Variants in CAPN8 observed in about 807,000 individuals in gnomAD.
CAPN8 encodes the protein calpain 8.
A neutral mutation model predicts 80.9 loss-of-function variants in CAPN8; 87 were observed. That is an observed-to-expected ratio of 1.07 (90% CI 0.90 to 1.28). The LOEUF (loss-of-function observed/expected upper bound fraction) is 1.28, where lower values mean the gene tolerates loss of function less well. CAPN8 is among the 50% of genes most tolerant of loss of function. The probability of loss-of-function intolerance (pLI) is 0.00; values close to 1 mark genes in which losing one functional copy is unlikely to be tolerated. For synonymous variants in CAPN8, 299 were observed against 273.8 expected (o/e 1.09, Z -0.91); for missense variants, 757 against 702.0 (o/e 1.08, Z -0.89).
intron 2 of CAPN8, among the ~76,000 whole-genome samples, chr1:223,640,225 A>T (rs1305045989): frequency 6.6e-6 from 1 of 152,212 alleles, no homozygotes; most frequent in African/African-American, 2.4e-5. Context: ...AAAGATAAAA[A>T]TGAGATAAGA....
chr1:223,549,290 A>G, intron 16 of CAPN8, 28 bp downstream of exon 16: 1 of 1,544,536 alleles, frequency 6.5e-7, no homozygotes. Context: ...AGTAAAAAAA[A>G]AAAAATAATG....
intron 11 of CAPN8, among the ~76,000 whole-genome samples, chr1:223,610,703 T>C (rs1657009443): frequency 6.6e-6 from 1 of 152,078 alleles, no homozygotes; most frequent in Non-Finnish European, 1.5e-5. Context: ...TGAGGCAAGA[T>C]CTAGGTAAGA....
chr1:223,623,256 G>A (rs1206923466), intron 6 of CAPN8, among the ~76,000 whole-genome samples: 2 of 152,178 alleles, frequency 1.3e-5, no homozygotes, highest in African/African-American at 4.8e-5. Flanking sequence ...CCAAAGCACG[G>A]CAGTTAACAT....
intron 16 of CAPN8, among the ~76,000 whole-genome samples, chr1:223,549,084 C>A (rs1451419120): frequency 1.3e-5 from 2 of 152,084 alleles, no homozygotes; most frequent in African/African-American, 4.8e-5. Flanking sequence ...ACACTGCACA[C>A]CTCGGTTTCT....
chr1:223,610,979 G>A (rs1480945169), intron 11 of CAPN8, among the ~76,000 whole-genome samples: 1 of 151,510 alleles, frequency 6.6e-6, no homozygotes, highest in Non-Finnish European at 1.5e-5. Context: ...GCCCTCTAGG[G>A]GATTCAGAAG....
intron 13 of CAPN8, among the ~76,000 whole-genome samples, chr1:223,555,880 G>A (rs1334335059): frequency 1.3e-5 from 2 of 152,162 alleles, no homozygotes; most frequent in Non-Finnish European, 2.9e-5. Context: ...GCCCATGTTG[G>A]GAACTGTTCA....
Position 223,628,716 on chromosome 1 carries a change from C to T in CAPN8, c.372G>A (p.Val124=), listed in dbSNP as rs1291639664. Residue 124 remains valine (V), a synonymous_variant, in exon 3 of 21, where the codon GTG becomes GTA. Transcript: ENST00000366872. ...CCTGGAAGTCCTGGTCCCTGGGGAC[C>T]ACCCGGTAAAGCAGCTCTTCATTCA... ...LTLNEELLYR[V]VPRDQDFQEN... is the part of the protein sequence containing the mutation. 2 of 1,551,864 alleles carry T rather than the reference C, an allele frequency of 1.3e-6. No individual in the cohort carries two copies. The highest frequency in any genetic ancestry group is 2.7e-5 in the African/African-American group (2 of 73,038).
rs545418394 is a variant in CAPN8, at chr1:223,618,340, A to C, written c.1135+953T>G. ...CCAGGAAAGCTTCCCACCTTGCACC[A>C]GGTGAGGACCCAGGGTTAGTGCGGA... On this transcript the variant is annotated intron_variant, in intron 9 of 20. Coordinates refer to ENST00000366872, the MANE Select transcript of CAPN8 (RefSeq NM_001143962.2). The C allele has an allele frequency of 1.5e-5, 23 of 1,548,666 alleles. No homozygotes were observed. In the East Asian group the frequency reaches 5.4e-4, roughly 36 times the overall value.
intron 2 of CAPN8, among the ~76,000 whole-genome samples, chr1:223,645,350 G>A (rs777979866): frequency 2.6e-5 from 4 of 152,060 alleles, no homozygotes; most frequent in Non-Finnish European, 5.9e-5. Context: ...AATCTCCTTT[G>A]GCAACACCCA....
intron 10 of CAPN8, among the ~76,000 whole-genome samples, chr1:223,615,267 G>T (rs1326584461): frequency 6.6e-6 from 1 of 152,188 alleles, no homozygotes; most frequent in Non-Finnish European, 1.5e-5. Context: ...AGCCCCGCTG[G>T]AATTTGCTAT....
At chr1:223,628,636 C>T in intron 3 of CAPN8, 26 bp downstream of exon 3, 1 of 1,528,776 alleles carries the variant, frequency 6.5e-7, no homozygotes, top group Non-Finnish European at 8.9e-7. Context: ...AAAACAGCAA[C>T]AAAGGGCCAG....
At chr1:223,630,494 G>A (rs993934414) in intron 2 of CAPN8, among the ~76,000 whole-genome samples, 1 of 148,392 alleles carries the variant, frequency 6.7e-6, no homozygotes, top group African/African-American at 2.4e-5. Context: ...ATGCCATCAT[G>A]CCTGGTTAAT....
At chr1:223,554,816 T>C (rs1487242121) in intron 13 of CAPN8, among the ~76,000 whole-genome samples, 22 of 152,192 alleles carry the variant, frequency 1.4e-4, no homozygotes, top group Non-Finnish European at 1.8e-4. Context: ...ATTTTAGGAA[T>C]CAAATGAGAG....
chr1:223,664,147 G>A (rs959698862), intron 1 of CAPN8, among the ~76,000 whole-genome samples: 3 of 152,164 alleles, frequency 2.0e-5, no homozygotes, highest in Admixed American at 6.5e-5. Flanking sequence ...TAGGTTTTGG[G>A]AGGACTGTTC....
At position 223,625,890 on chromosome 1, in the gene CAPN8, T is replaced by C; in HGVS notation, c.730-2A>G. On this transcript the variant is annotated splice_acceptor_variant, in intron 5 of 20. Transcript: ENST00000366872. LOFTEE classifies it high-confidence loss of function. ...TTCGGCTTCGGCTGCACTGGAGACCTGCGTAGAGAAGAAAGTCCACTCAGT... is the reference window on the plus strand; with the variant it reads ...TTCGGCTTCGGCTGCACTGGAGACCCGCGTAGAGAAGAAAGTCCACTCAGT... 2 of 1,549,944 alleles carry C rather than the reference T, an allele frequency of 1.3e-6. No homozygotes were observed. The highest frequency in any genetic ancestry group is 1.7e-6 in the Non-Finnish European group (2 of 1,145,556).
At chr1:223,641,581 A>G (rs1002071342) in intron 2 of CAPN8, among the ~76,000 whole-genome samples, 19 of 152,218 alleles carry the variant, frequency 1.2e-4, no homozygotes, top group African/African-American at 4.6e-4. Context: ...AATAAAGTCC[A>G]GAATTCTTCA....
At chr1:223,653,446 ACCT>A (rs1364635582) in intron 2 of CAPN8, among the ~76,000 whole-genome samples, 2 of 150,284 alleles carry the variant, frequency 1.3e-5, no homozygotes, top group African/African-American at 2.5e-5. Flanking sequence ...AAAAGAGAAA[ACCT>A]CCTGAAAAAA....
At chr1:223,656,984 A>C (rs139044808) in intron 1 of CAPN8, among the ~76,000 whole-genome samples, 1 of 152,266 alleles carries the variant, frequency 6.6e-6, no homozygotes, top group East Asian at 1.9e-4. Context: ...GCGCCCAGCC[A>C]CATACACACA....
chr1:223,548,256 G>A (rs1035192283), intron 16 of CAPN8, among the ~76,000 whole-genome samples: 40 of 152,250 alleles, frequency 2.6e-4, no homozygotes, highest in African/African-American at 9.6e-4. Context: ...TTCACCATCA[G>A]CACTGTGATA....
Sources: gnomAD v4.1 joint callset for allele counts (sites outside exome capture counted in the v4.1 genomes callset) on GRCh38, gnomAD v4.1.1 for gene constraint, MANE v1.5 for transcripts, NCBI Gene and HGNC (gene_info 2026-07-23, HGNC 2026-07-21) for gene names.